The following FHOD3 variants were observed in gnomAD, a reference collection of about 807,000 sequenced individuals.
FHOD3 encodes formin homology 2 domain containing 3.
A neutral mutation model predicts 173.0 loss-of-function variants in FHOD3; 90 were observed. The observed-to-expected ratio is 0.52, with a 90% CI of 0.44 to 0.62. FHOD3 has a LOEUF of 0.62. Ranked by LOEUF, FHOD3 falls within the 20% of genes least tolerant of loss-of-function variation. FHOD3 has a pLI of 0.00. For synonymous variants in FHOD3, 828 were observed against 823.0 expected (o/e 1.01, Z -0.10); for missense variants, 1,945 against 2,034.7 (o/e 0.96, Z 0.85).
intron 13 of FHOD3, 73 bp from the exon 14 acceptor site, chr18:36,658,002 C>G (rs1363301686): frequency 8.9e-7 from 1 of 1,124,484 alleles, no homozygotes; most frequent in Admixed American, 2.0e-5. Context: ...AAATGGTTTG[C>G]TAAGTCTTAT....
intron 6 of FHOD3, among the ~76,000 whole-genome samples, chr18:36,584,038 G>T (rs188083190): frequency 6.6e-6 from 1 of 152,262 alleles, no homozygotes; most frequent in Admixed American, 6.5e-5. Flanking sequence ...ATGTTGCCCA[G>T]TCTGGTCTCA....
intron 3 of FHOD3, among the ~76,000 whole-genome samples, chr18:36,469,075 T>C (rs187850972): frequency 5.3e-4 from 81 of 152,266 alleles, no homozygotes; most frequent in Non-Finnish European, 8.8e-5. Context: ...TCCCTTGCCA[T>C]ACTTGGGGGT....
At chr18:36,648,323 G>A (rs1487797858) in intron 10 of FHOD3, among the ~76,000 whole-genome samples, 2 of 152,174 alleles carry the variant, frequency 1.3e-5, no homozygotes, top group African/African-American at 2.4e-5. Context: ...AGCAAGGCAA[G>A]GGATTGAGAA....
At chr18:36,767,121 C>G (rs1207583334) in intron 27 of FHOD3, among the ~76,000 whole-genome samples, 1 of 152,034 alleles carries the variant, frequency 6.6e-6, no homozygotes, top group Non-Finnish European at 1.5e-5. Context: ...CTTTCAGCAG[C>G]AATTTCAACA....
intron 1 of FHOD3, among the ~76,000 whole-genome samples, chr18:36,315,393 T>A (rs8087162): frequency 0.087 from 13,286 of 152,036 alleles, 1,858 homozygotes; most frequent in African/African-American, 0.3. Context: ...ATCCCAGATT[T>A]GCTCCCTGTG....
At chr18:36,547,993 A>G (rs1426562829) in intron 5 of FHOD3, among the ~76,000 whole-genome samples, 10 of 152,172 alleles carry the variant, frequency 6.6e-5, no homozygotes, top group Non-Finnish European at 5.9e-5. Flanking sequence ...GGAGTTAGAG[A>G]CCAGCCTGGC....
chr18:36,769,477 T>A, intron 28 of FHOD3, 51 bp downstream of exon 28: 1 of 1,580,472 alleles, frequency 6.3e-7, no homozygotes, highest in Non-Finnish European at 8.6e-7. Flanking sequence ...GGATCTGCCC[T>A]CCCATTCTAC....
intron 3 of FHOD3, among the ~76,000 whole-genome samples, chr18:36,495,096 C>G (rs1377845836): frequency 6.6e-6 from 1 of 152,056 alleles, no homozygotes; most frequent in Non-Finnish European, 1.5e-5. Context: ...GCCACCACCC[C>G]TGGCTAATTT....
At chr18:36,551,589 A>G (rs1330746731) in intron 5 of FHOD3, among the ~76,000 whole-genome samples, 1 of 152,044 alleles carries the variant, frequency 6.6e-6, no homozygotes. Context: ...TATGTCCTGA[A>G]TGGTATTGCC....
At chr18:36,439,099 A>C (rs555963145) in intron 3 of FHOD3, among the ~76,000 whole-genome samples, 1 of 152,194 alleles carries the variant, frequency 6.6e-6, no homozygotes, top group African/African-American at 2.4e-5. Flanking sequence ...AAATGGGAAA[A>C]AAAACAGTAC....
At chr18:36,388,769 A>T (rs907085991) in intron 3 of FHOD3, among the ~76,000 whole-genome samples, 6 of 152,204 alleles carry the variant, frequency 3.9e-5, no homozygotes, top group African/African-American at 1.2e-4. Context: ...ACAGACCACC[A>T]CCACCAACAA....
intron 2 of FHOD3, among the ~76,000 whole-genome samples, chr18:36,367,362 A>G (rs1349725944): frequency 2.6e-5 from 4 of 152,110 alleles, no homozygotes; most frequent in Non-Finnish European, 4.4e-5. Flanking sequence ...TGCTCCAAAG[A>G]GTGGCTGTTC....
At chr18:36,483,263 A>C (rs1189254539) in intron 3 of FHOD3, among the ~76,000 whole-genome samples, 1 of 152,226 alleles carries the variant, frequency 6.6e-6, no homozygotes, top group African/African-American at 2.4e-5. Context: ...GGACTAAGCC[A>C]GCAGAAAAGT....
intron 20 of FHOD3, 57 bp from the exon 21 acceptor site, chr18:36,740,599 G>T: frequency 1.4e-6 from 2 of 1,411,242 alleles, no homozygotes; most frequent in Non-Finnish European, 9.8e-7. Flanking sequence ...AACATTGAAG[G>T]GACAGGGGAG....
intron 27 of FHOD3, among the ~76,000 whole-genome samples, chr18:36,763,429 AT>A (rs1440227080): frequency 6.8e-6 from 1 of 148,020 alleles, no homozygotes; most frequent in Non-Finnish European, 1.5e-5. Flanking sequence ...TAATATGCGT[AT>A]TATACACGTT....
At chr18:36,690,531 G>C (rs2038897977) in intron 16 of FHOD3, among the ~76,000 whole-genome samples, 1 of 152,158 alleles carries the variant, frequency 6.6e-6, no homozygotes, top group South Asian at 2.1e-4. Flanking sequence ...CATAGGTCCA[G>C]CTTCCTCCCC....
chr18:36,647,299 T>G (rs927307755), intron 10 of FHOD3, among the ~76,000 whole-genome samples: 9 of 152,152 alleles, frequency 5.9e-5, no homozygotes, highest in African/African-American at 2.2e-4. Flanking sequence ...GGCAAAAAAC[T>G]ACTTGGACAC....
intron 11 of FHOD3, 130 bp downstream of exon 11, chr18:36,649,535 T>C: frequency 1.7e-6 from 1 of 580,414 alleles, no homozygotes; most frequent in Non-Finnish European, 2.9e-6. Context: ...ACTTACCCTG[T>C]TCACAGAGCC....
In FHOD3 at chr18:36,364,760, C is replaced by T. The variant is rs73949453; in HGVS notation, c.273-7920C>T. ...AAATGGGTATTGAGTGGGTAACCAGCAGCATCTGCCTCCGCAAGAAGAGAG... is the reference window on the plus strand; with the variant it reads ...AAATGGGTATTGAGTGGGTAACCAGTAGCATCTGCCTCCGCAAGAAGAGAG... On this transcript the variant is annotated intron_variant, in intron 2 of 28. Transcript: ENST00000590592. 2.8e-3 allele frequency among the ~76,000 whole-genome samples: 431 copies of T among 152,304 alleles called. 4 individuals are homozygous for T. Among genetic ancestry groups the T allele is most frequent in the African/African-American group, 1.0e-2 (415 of 41,568 alleles).
Sources: allele counts gnomAD v4.1 joint callset (sites outside exome capture counted in the v4.1 genomes callset), GRCh38; gene constraint gnomAD v4.1.1; transcripts MANE v1.5; gene names NCBI Gene and HGNC (gene_info 2026-07-23, HGNC 2026-07-21).